HSD17B3: variants seen among roughly 807,000 people sequenced by gnomAD.
HSD17B3 encodes the protein 17-beta-hydroxysteroid dehydrogenase type 3.
In HSD17B3, 29 loss-of-function variants were observed where a neutral mutation model predicts 41.1. The ratio of observed to expected loss-of-function variants is 0.71; its 90% CI spans 0.53 to 0.96. The LOEUF is 0.96. Among genes scored for constraint, HSD17B3 ranks in the 40% least tolerant of loss-of-function variants. HSD17B3 has a pLI of 0.00. For missense variants in HSD17B3, 323 were observed against 374.6 expected (o/e 0.86, Z 1.14); for synonymous variants, 126 against 145.6 (o/e 0.87, Z 0.97).
In HSD17B3 at chr9:96,243,648, ACTAT is replaced by A. The variant is rs374967623; in HGVS notation, c.672+677_672+680del. Among the ~76,000 whole-genome samples, 10 of 152,378 alleles carry A rather than the reference ACTAT, an allele frequency of 6.6e-5. No homozygotes were observed. In the East Asian group the frequency reaches 1.9e-3, roughly 29 times the overall value. On this transcript the variant is annotated intron_variant, in intron 9 of 10. Transcript: ENST00000375263. ...ACTCTGTTTATTCTACGTTCCAGAA[ACTAT>A]CTAACTCTAACTCTGTTGCTGAACC...
intron 2 of HSD17B3, among the ~76,000 whole-genome samples, chr9:96,282,524 C>T (rs1045882093): frequency 3.3e-5 from 5 of 152,130 alleles, no homozygotes; most frequent in African/African-American, 9.7e-5. Flanking sequence ...CCTACTTTGG[C>T]GCATTAGTTC....
chr9:96,286,590 T>C (rs996573950), intron 2 of HSD17B3, among the ~76,000 whole-genome samples: 6 of 151,684 alleles, frequency 4.0e-5, no homozygotes, highest in Non-Finnish European at 7.4e-5. Context: ...CTCAGGAGGC[T>C]GAGGCAGGAA....
At chr9:96,301,157 A>G (rs140438060) in intron 1 of HSD17B3, among the ~76,000 whole-genome samples, 258 of 152,338 alleles carry the variant, frequency 1.7e-3, no homozygotes, top group African/African-American at 5.8e-3. Context: ...AATGCCCTAC[A>G]GCTTGTGTTG....
intron 2 of HSD17B3, among the ~76,000 whole-genome samples, chr9:96,271,933 C>T (rs1826258202): frequency 6.6e-6 from 1 of 151,970 alleles, no homozygotes; most frequent in Non-Finnish European, 1.5e-5. Flanking sequence ...AGGAAGAGGC[C>T]TTTATTTCTC....
intron 2 of HSD17B3, among the ~76,000 whole-genome samples, chr9:96,259,123 T>C (rs992009824): frequency 6.6e-6 from 1 of 152,152 alleles, no homozygotes; most frequent in Non-Finnish European, 1.5e-5. Flanking sequence ...TCCTTTCTGC[T>C]TGCTTTCATT....
intron 2 of HSD17B3, among the ~76,000 whole-genome samples, chr9:96,275,862 A>C (rs1475695675): frequency 6.6e-6 from 1 of 152,192 alleles, no homozygotes; most frequent in East Asian, 1.9e-4. Context: ...CAGACAGAAA[A>C]CCATTTACAA....
At chr9:96,245,483 A>G (rs1360722814) in intron 7 of HSD17B3, 57 bp from the exon 8 acceptor site, 1 of 1,257,002 alleles carries the variant, frequency 8.0e-7, no homozygotes, top group South Asian at 1.2e-5. Flanking sequence ...GACCTTGAGT[A>G]CAAAGAAAAC....
intron 2 of HSD17B3, among the ~76,000 whole-genome samples, chr9:96,292,437 G>A (rs1827192756): frequency 6.6e-6 from 1 of 152,168 alleles, no homozygotes; most frequent in Non-Finnish European, 1.5e-5. Flanking sequence ...CACAATCTTT[G>A]CCTCCTGGAT....
intron 2 of HSD17B3, among the ~76,000 whole-genome samples, chr9:96,268,949 A>C (rs1157260504): frequency 6.6e-6 from 1 of 152,178 alleles, no homozygotes; most frequent in African/African-American, 2.4e-5. Flanking sequence ...ACTCCATCTC[A>C]AAAAGAAAAA....
rs869145717 is a variant in HSD17B3, at chr9:96,255,367, CTTTTTTTTTTTTTTTTTTTTTTT to C, written c.202-447_202-425del. Among the ~76,000 whole-genome samples the C allele has an allele frequency of 2.1e-3, 116 of 54,572 alleles. 1 individual carries two copies. Among genetic ancestry groups the C allele is most frequent in the South Asian group, 2.8e-3 (3 of 1,070 alleles). 35.8% of individuals were successfully genotyped at this position (54,572 alleles called of 152,430 possible). On this transcript the variant is annotated intron_variant, in intron 2 of 10. Coordinates refer to ENST00000375263, the MANE Select transcript of HSD17B3 (RefSeq NM_000197.2). ...AAGCAGTGTTTCTGCCCCAACATTTCTTTTTTTTTTTTTTTTTTTTTTTTTTTTTTTTTTTTTTTTGCAATAGA... is the reference window on the plus strand; with the variant it reads ...AAGCAGTGTTTCTGCCCCAACATTTCTTTTTTTTTTTTTTTTTGCAATAGA...
chr9:96,269,564 T>A (rs1379811503), intron 2 of HSD17B3, among the ~76,000 whole-genome samples: 1 of 152,158 alleles, frequency 6.6e-6, no homozygotes, highest in African/African-American at 2.4e-5. Context: ...CATTCATCCA[T>A]GTCGGCATGG....
intron 2 of HSD17B3, among the ~76,000 whole-genome samples, chr9:96,295,831 GC>G (rs140284583): frequency 2.0e-5 from 3 of 151,944 alleles, no homozygotes; most frequent in East Asian, 1.9e-4. Context: ...ATGTTTTGTG[GC>G]CCCCCCAAAA....
At chr9:96,294,641 A>T (rs1484984783) in intron 2 of HSD17B3, among the ~76,000 whole-genome samples, 1 of 152,246 alleles carries the variant, frequency 6.6e-6, no homozygotes, top group Non-Finnish European at 1.5e-5. Flanking sequence ...AGGTAAGGTG[A>T]AGAACCTTTT....
intron 2 of HSD17B3, among the ~76,000 whole-genome samples, chr9:96,281,113 A>C (rs1213018720): frequency 6.6e-6 from 1 of 152,064 alleles, no homozygotes; most frequent in Non-Finnish European, 1.5e-5. Context: ...CTCAAGACCC[A>C]AGAACCTTCT....
At chr9:96,248,570 T>C (rs371119) in intron 6 of HSD17B3, among the ~76,000 whole-genome samples, 43,379 of 152,068 alleles carry the variant, frequency 0.29, 6,712 homozygotes, top group African/African-American at 0.38. Context: ...AGAGTGGTCA[T>C]CAAGGCTGCC....
chr9:96,300,203 C>G (rs954846124), intron 1 of HSD17B3, among the ~76,000 whole-genome samples: 6 of 133,240 alleles, frequency 4.5e-5, no homozygotes, highest in African/African-American at 1.2e-4. Flanking sequence ...CATAATACCC[C>G]AAGAGGACAC....
In HSD17B3 at chr9:96,235,422, G is replaced by A. The variant is rs1836194037; in HGVS notation, c.*38C>T. 7.1e-7 allele frequency: 1 copy of A among 1,407,246 alleles called. No homozygotes were observed. Among genetic ancestry groups the A allele is most frequent in the African/African-American group, 1.4e-5 (1 of 71,058 alleles). The allele number at this position is 1,407,246 out of a possible 1,614,324, so 87.2% of individuals were successfully genotyped here. A position where few individuals can be genotyped will look rare whatever the true frequency, so the allele number is the denominator to read the frequency against. On this transcript the variant is annotated 3_prime_UTR_variant, in exon 11 of 11. Coordinates refer to ENST00000375263, the MANE Select transcript of HSD17B3 (RefSeq NM_000197.2). ...GGTCCTCTTCAGCCAGCATGGGACT[G>A]GTGAGGAAAAGGTTGTGCTGGACTC...
chr9:96,271,650 C>A (rs987049297), intron 2 of HSD17B3, among the ~76,000 whole-genome samples: 7 of 152,170 alleles, frequency 4.6e-5, no homozygotes, highest in East Asian at 1.9e-4. Context: ...AGAACCCACA[C>A]GATAGATGGA....
intron 2 of HSD17B3, among the ~76,000 whole-genome samples, chr9:96,295,197 G>T (rs181046465): frequency 1.4e-4 from 21 of 151,858 alleles, no homozygotes; most frequent in African/African-American, 4.8e-4. Flanking sequence ...AGTAGAGACG[G>T]GGTTTCACTA....
Sources: gnomAD v4.1 joint callset for allele counts (sites outside exome capture counted in the v4.1 genomes callset) on GRCh38, gnomAD v4.1.1 for gene constraint, MANE v1.5 for transcripts, NCBI Gene and HGNC (gene_info 2026-07-23, HGNC 2026-07-21) for gene names.